Variants in XRCC4 observed in about 807,000 individuals in gnomAD.
XRCC4 encodes the protein X-ray repair cross complementing 4.
In XRCC4, 28 loss-of-function variants were observed where a neutral mutation model predicts 39.1. The observed-to-expected ratio is 0.72, with a 90% CI of 0.53 to 0.98. The LOEUF is 0.98. Ranked by LOEUF, XRCC4 falls within the 50% of genes least tolerant of loss-of-function variation. The pLI, the probability that XRCC4 is intolerant of heterozygous loss-of-function variation, is 0.00. For missense variants in XRCC4, 350 were observed against 376.4 expected (o/e 0.93, Z 0.58); for synonymous variants, 123 against 126.4 (o/e 0.97, Z 0.18).
At chr5:83,316,180 G>C (rs1397547085) in intron 7 of XRCC4, among the ~76,000 whole-genome samples, 1 of 152,056 alleles carries the variant, frequency 6.6e-6, no homozygotes, top group Non-Finnish European at 1.5e-5. Context: ...ACTAGAATTA[G>C]AAGTGTAGTC....
chr5:83,121,524 A>G (rs970678805), intron 3 of XRCC4, among the ~76,000 whole-genome samples: 4 of 152,178 alleles, frequency 2.6e-5, no homozygotes, highest in Non-Finnish European at 4.4e-5. Context: ...CCTAATGTCT[A>G]ATGATATTAT....
chr5:83,371,360 T>C, the XRCC4 span, among the ~76,000 whole-genome samples: 406 of 152,338 alleles, frequency 2.7e-3, 2 homozygotes, highest in African/African-American at 9.4e-3. Flanking sequence ...TATCTCAGAC[T>C]GTCAGTTTAT....
At chr5:83,161,243 T>C (rs528812032) in intron 3 of XRCC4, among the ~76,000 whole-genome samples, 1 of 152,162 alleles carries the variant, frequency 6.6e-6, no homozygotes, top group South Asian at 2.1e-4. Flanking sequence ...CCCAAGTAGC[T>C]GGGATTATGG....
intron 3 of XRCC4, among the ~76,000 whole-genome samples, chr5:83,166,816 A>T (rs1189876503): frequency 6.6e-6 from 1 of 151,172 alleles, no homozygotes; most frequent in Non-Finnish European, 1.5e-5. Flanking sequence ...AGCATCCGTT[A>T]TTTTTTGACT....
chr5:83,259,395 G>A (rs1001051064), intron 7 of XRCC4: 1 of 152,110 alleles, frequency 6.6e-6, no homozygotes, highest in African/African-American at 2.4e-5. Flanking sequence ...TGTGGCAGAT[G>A]ATTTTATAGT....
intron 3 of XRCC4, among the ~76,000 whole-genome samples, chr5:83,154,820 C>T (rs1052840765): frequency 1.3e-5 from 2 of 152,134 alleles, no homozygotes; most frequent in Non-Finnish European, 2.9e-5. Context: ...CTTTCAGTCA[C>T]CTACAGGATA....
intron 7 of XRCC4, among the ~76,000 whole-genome samples, chr5:83,292,890 G>T (rs1453258382): frequency 2.0e-5 from 3 of 151,870 alleles, no homozygotes; most frequent in South Asian, 2.1e-4. Context: ...ATGAAAAGAA[G>T]AAGTTAAGTC....
At chr5:83,213,521 ATAT>A (rs1310909826) in intron 6 of XRCC4, among the ~76,000 whole-genome samples, 3 of 152,114 alleles carry the variant, frequency 2.0e-5, no homozygotes, top group Non-Finnish European at 2.9e-5. Context: ...ACATATAAAG[ATAT>A]TATTAATATG....
At chr5:83,166,536 T>C (rs1433673850) in intron 3 of XRCC4, among the ~76,000 whole-genome samples, 1 of 151,642 alleles carries the variant, frequency 6.6e-6, no homozygotes, top group East Asian at 1.9e-4. Context: ...TGATCTCAGC[T>C]CACTGCAGCC....
At chr5:83,104,861 T>C (rs1020296129) in intron 1 of XRCC4, 49 bp from the exon 2 acceptor site, 59 of 1,565,232 alleles carry the variant, frequency 3.8e-5, no homozygotes, top group Non-Finnish European at 5.0e-5. Flanking sequence ...AAAACATTAT[T>C]TGAGTTACAG....
chr5:83,291,275 T>TAA (rs1472172027), intron 7 of XRCC4, among the ~76,000 whole-genome samples: 3 of 151,838 alleles, frequency 2.0e-5, no homozygotes, highest in Non-Finnish European at 4.4e-5. Context: ...ATCCCCCTTT[T>TAA]AAAGTATCAA....
At chr5:83,162,946 T>G (rs1749288216) in intron 3 of XRCC4, among the ~76,000 whole-genome samples, 1 of 133,280 alleles carries the variant, frequency 7.5e-6, no homozygotes, top group Non-Finnish European at 1.7e-5. Flanking sequence ...TTTTCTTTCT[T>G]TCTTTCTTTT....
chr5:83,217,358 C>CAAAAAAAAAAA (rs59416363), intron 6 of XRCC4, among the ~76,000 whole-genome samples: 6 of 96,144 alleles, frequency 6.2e-5, no homozygotes, highest in African/African-American at 2.8e-4. Flanking sequence ...GACTCCGTCT[C>CAAAAAAAAAAA]AAAAAAAAAA....
At chr5:83,314,140 A>G (rs1755801701) in intron 7 of XRCC4, among the ~76,000 whole-genome samples, 1 of 152,156 alleles carries the variant, frequency 6.6e-6, no homozygotes, top group African/African-American at 2.4e-5. Context: ...TTACTTCAAT[A>G]TATATTCCTT....
At chr5:83,135,146 GGT>G (rs768113849) in intron 3 of XRCC4, among the ~76,000 whole-genome samples, 1 of 152,186 alleles carries the variant, frequency 6.6e-6, no homozygotes, top group Non-Finnish European at 1.5e-5. Context: ...GGCTAGGAAA[GGT>G]AATTGCCTGA....
intron 7 of XRCC4, among the ~76,000 whole-genome samples, chr5:83,282,390 C>T (rs1313119722): frequency 6.6e-6 from 1 of 152,108 alleles, no homozygotes; most frequent in Non-Finnish European, 1.5e-5. Context: ...GACAGTACTT[C>T]TTAAAGTATA....
intron 7 of XRCC4, among the ~76,000 whole-genome samples, chr5:83,275,849 G>C (rs537941607): frequency 1.2e-3 from 190 of 152,290 alleles, no homozygotes; most frequent in African/African-American, 4.4e-3. Context: ...TTATTGTAGT[G>C]TCAGATTTAC....
chr5:83,130,426 T>C (rs1260384387), intron 3 of XRCC4, among the ~76,000 whole-genome samples: 1 of 152,074 alleles, frequency 6.6e-6, no homozygotes, highest in Non-Finnish European at 1.5e-5. Context: ...GGTCTAAAAT[T>C]GTCTTTTTTT....
chr5:83,100,296 A>G (rs1745869895), intron 1 of XRCC4, among the ~76,000 whole-genome samples: 1 of 152,130 alleles, frequency 6.6e-6, no homozygotes, highest in African/African-American at 2.4e-5. Context: ...GAATTAGAAA[A>G]TTGGAAAATA....
Sources: gnomAD v4.1 joint callset for allele counts (sites outside exome capture counted in the v4.1 genomes callset) on GRCh38, gnomAD v4.1.1 for gene constraint, MANE v1.5 for transcripts, NCBI Gene and HGNC (gene_info 2026-07-23, HGNC 2026-07-21) for gene names.